Variants in ATRNL1 observed in about 807,000 individuals in gnomAD.
ATRNL1 encodes attractin like 1.
ATRNL1 carries 95 observed loss-of-function variants against 182.7 expected under a neutral mutation model. That is an observed-to-expected ratio of 0.52 (90% CI 0.44 to 0.62). The LOEUF (loss-of-function observed/expected upper bound fraction) is 0.62. ATRNL1 is among the 20% of genes least tolerant of loss of function. The probability of loss-of-function intolerance (pLI) is 0.00; values close to 1 mark genes in which losing one functional copy is unlikely to be tolerated. For missense variants in ATRNL1, 1,471 were observed against 1,679.5 expected, an observed-to-expected ratio of 0.88 and a Z score of 2.17; for synonymous variants, 576 against 568.3, an observed-to-expected ratio of 1.01 and a Z score of -0.19.
intron 28 of ATRNL1, among the ~76,000 whole-genome samples, chr10:115,876,077 G>A (rs1326912164): frequency 2.0e-5 from 3 of 152,176 alleles, no homozygotes; most frequent in Non-Finnish European, 4.4e-5. Flanking sequence ...AACCTGGAAT[G>A]GCTGTAATTA....
intron 26 of ATRNL1, among the ~76,000 whole-genome samples, chr10:115,722,467 A>G (rs1401255899): frequency 5.3e-5 from 8 of 152,170 alleles, no homozygotes; most frequent in Admixed American, 4.6e-4. Flanking sequence ...TCCTAATTTA[A>G]TGATACTAAA....
At chr10:115,414,655 A>G (rs638352) in intron 20 of ATRNL1, among the ~76,000 whole-genome samples, 151,112 of 151,986 alleles carry the variant, frequency 0.99, 75,121 homozygotes, top group Middle Eastern at 1. Context: ...TATCCTTCCC[A>G]TCTTTCCTTT....
chr10:115,525,971 A>T (rs1851193692), intron 25 of ATRNL1, among the ~76,000 whole-genome samples: 1 of 152,148 alleles, frequency 6.6e-6, no homozygotes, highest in Non-Finnish European at 1.5e-5. Flanking sequence ...CAGTTGGGTC[A>T]TGCTGTGATT....
At chr10:115,823,702 T>C (rs1191986267) in intron 27 of ATRNL1, among the ~76,000 whole-genome samples, 1 of 152,122 alleles carries the variant, frequency 6.6e-6, no homozygotes, top group African/African-American at 2.4e-5. Context: ...ATGAAATACC[T>C]AGGCATACAA....
chr10:115,847,917 A>G lies in ATRNL1; in HGVS notation c.3944A>G (p.Asn1315Ser). 6.2e-7 allele frequency: 1 copy of G among 1,612,908 alleles called. No individual in the cohort carries two copies. The highest frequency in any genetic ancestry group is 8.5e-7 in the Non-Finnish European group (1 of 1,179,162). The change falls in exon 28 of 29, where the codon AAC (asparagine) becomes AGC (serine). Residue 1315 changes from asparagine (N) to serine (S), a missense_variant. This residue lies in a region of ATRNL1 where 437 missense variants were observed against 506.0 expected (regional missense o/e 0.86). Coordinates refer to ENST00000355044, the MANE Select transcript of ATRNL1 (RefSeq NM_207303.4). ...KPIAIEPCAG[N>S]RAAVLTVFLC... is the part of the protein sequence containing the mutation. ...ATTGCCATTGAACCATGTGCTGGGA[A>G]CAGAGCTGCTGTTCTGACTGTGTTT...
chr10:115,323,265 C>A (rs1247652118), intron 18 of ATRNL1, among the ~76,000 whole-genome samples: 4 of 152,102 alleles, frequency 2.6e-5, no homozygotes, highest in Admixed American at 1.3e-4. Flanking sequence ...TTCAGATCTT[C>A]TGTTGAATTC....
At chr10:115,508,346 A>T (rs1209316852) in intron 24 of ATRNL1, among the ~76,000 whole-genome samples, 1 of 152,046 alleles carries the variant, frequency 6.6e-6, no homozygotes, top group Non-Finnish European at 1.5e-5. Flanking sequence ...AAGCTGTTTA[A>T]TAATGCTACA....
intron 20 of ATRNL1, among the ~76,000 whole-genome samples, chr10:115,419,278 A>G (rs782265193): frequency 6.6e-6 from 1 of 152,194 alleles, no homozygotes; most frequent in Non-Finnish European, 1.5e-5. Flanking sequence ...GCTAAAAGCT[A>G]TAATAGATAA....
At chr10:115,422,957 C>T (rs1470778549) in intron 20 of ATRNL1, among the ~76,000 whole-genome samples, 1 of 152,158 alleles carries the variant, frequency 6.6e-6, no homozygotes, top group Non-Finnish European at 1.5e-5. Context: ...ATCTGTACCC[C>T]AAACCTCTGT....
intron 28 of ATRNL1, among the ~76,000 whole-genome samples, chr10:115,899,465 C>T (rs1040939297): frequency 1.3e-5 from 2 of 152,066 alleles, no homozygotes; most frequent in Non-Finnish European, 2.9e-5. Context: ...TGTGCCACCA[C>T]GCCCTGCTAA....
chr10:115,821,052 C>T (rs556116386), intron 27 of ATRNL1, among the ~76,000 whole-genome samples: 6 of 152,052 alleles, frequency 3.9e-5, no homozygotes, highest in Admixed American at 6.6e-5. Flanking sequence ...GTAATACATG[C>T]CTTTGCCTCT....
chr10:115,429,881 C>T (rs1374779179), intron 21 of ATRNL1, among the ~76,000 whole-genome samples: 2 of 152,104 alleles, frequency 1.3e-5, no homozygotes, highest in Admixed American at 1.3e-4. Context: ...TCCTGGCTAA[C>T]GCGTTGAAAC....
At chr10:115,282,980 C>T (rs192611038) in intron 14 of ATRNL1, among the ~76,000 whole-genome samples, 4 of 151,940 alleles carry the variant, frequency 2.6e-5, no homozygotes, top group Non-Finnish European at 4.4e-5. Flanking sequence ...TAGCCCCCTA[C>T]CCCCACTTTT....
chr10:115,629,310 T>C (rs530271019), intron 26 of ATRNL1, among the ~76,000 whole-genome samples: 1 of 152,306 alleles, frequency 6.6e-6, no homozygotes, highest in Admixed American at 6.5e-5. Context: ...TTCAGTCTGA[T>C]AAATGCTCAG....
intron 7 of ATRNL1, among the ~76,000 whole-genome samples, chr10:115,170,767 G>A (rs1287954420): frequency 6.6e-6 from 1 of 151,976 alleles, no homozygotes; most frequent in Non-Finnish European, 1.5e-5. Flanking sequence ...ACAATTAAAA[G>A]TATACTTAAT....
chr10:115,358,546 A>G (rs1271786302), intron 19 of ATRNL1, among the ~76,000 whole-genome samples: 1 of 151,676 alleles, frequency 6.6e-6, no homozygotes, highest in Non-Finnish European at 1.5e-5. Context: ...TGATTATACC[A>G]GGTACATTGC....
chr10:115,457,087 A>G (rs7077286), intron 21 of ATRNL1, among the ~76,000 whole-genome samples: 42,104 of 151,854 alleles, frequency 0.28, 6,021 homozygotes, highest in Non-Finnish European at 0.32. Context: ...GTGAGTTCTG[A>G]GTTCTTTTCT....
At chr10:115,656,514 C>T (rs1057122936) in intron 26 of ATRNL1, among the ~76,000 whole-genome samples, 3 of 152,040 alleles carry the variant, frequency 2.0e-5, no homozygotes, top group Non-Finnish European at 4.4e-5. Context: ...GTGAGTGCGC[C>T]CTGCAAAGGG....
chr10:115,645,483 A>G (rs1452998339), intron 26 of ATRNL1, among the ~76,000 whole-genome samples: 1 of 147,572 alleles, frequency 6.8e-6, no homozygotes, highest in Non-Finnish European at 1.5e-5. Context: ...ATATATCTAT[A>G]TAATAGAGAT....
Sources: gnomAD v4.1 joint callset for allele counts (sites outside exome capture counted in the v4.1 genomes callset) on GRCh38, gnomAD v4.1.1 for gene constraint, gnomAD v4.1.1 regional missense constraint, MANE v1.5 for transcripts, NCBI Gene and HGNC (gene_info 2026-07-23, HGNC 2026-07-21) for gene names.